OCM: variants seen among roughly 807,000 people sequenced by gnomAD.
OCM encodes oncomodulin.
A neutral mutation model predicts 14.1 loss-of-function variants in OCM; 18 were observed. The observed-to-expected ratio is 1.28, with a 90% CI of 0.88 to 1.89. The LOEUF is 1.89. OCM is among the 40% of genes most tolerant of loss of function. OCM has a pLI of 0.00. For missense variants in OCM, 140 were observed against 137.6 expected (o/e 1.02, Z -0.09); for synonymous variants, 48 against 51.0 (o/e 0.94, Z 0.25).
chr7:5,883,820 A>G lies in OCM; in HGVS notation c.195-70A>G, dbSNP rs888006873. 3.0e-5 allele frequency: 47 copies of G among 1,590,676 alleles called. No homozygotes were observed. The South Asian group carries it at 3.5e-4, about 12-fold the overall frequency. ...GGAAACAGGTGATATGCTTAGAGGA[A>G]AAACAAAAGTGTAAACACAGAGATG... is the stretch of plus-strand genomic sequence containing the variant. On this transcript the variant is annotated intron_variant, in intron 2 of 3. Transcript: ENST00000242104.
the OCM span, among the ~76,000 whole-genome samples, chr7:5,862,602 G>A: frequency 6.6e-6 from 1 of 152,082 alleles, no homozygotes; most frequent in East Asian, 1.9e-4. Context: ...CTCTTTTCAT[G>A]TTTACTTTAT....
At chr7:5,880,173 T>C (rs578171500), upstream of OCM, among the ~76,000 whole-genome samples, 6 of 152,322 alleles carry the variant, frequency 3.9e-5, no homozygotes, top group Admixed American at 6.5e-5. Context: ...GCCCAAACTG[T>C]ATCCTTTCCC....
At chr7:5,866,409 G>A in the OCM span, among the ~76,000 whole-genome samples, 1 of 93,044 alleles carries the variant, frequency 1.1e-5, no homozygotes, top group Non-Finnish European at 2.0e-5. Context: ...AAGAAGGAAG[G>A]GGGGGAGAGA....
At chr7:5,881,101 G>T (rs558883054) in intron 1 of OCM, 151 bp downstream of exon 1, 2 of 694,350 alleles carry the variant, frequency 2.9e-6, no homozygotes, top group Non-Finnish European at 2.5e-6. Flanking sequence ...GGTGGATCAC[G>T]AGGTCAGGAG....
chr7:5,859,937 C>T, the OCM span, among the ~76,000 whole-genome samples: 1 of 152,054 alleles, frequency 6.6e-6, no homozygotes, highest in Non-Finnish European at 1.5e-5. Flanking sequence ...ATCCACCTGC[C>T]TTGGCCTCTC....
At chr7:5,865,772 C>T in the OCM span, among the ~76,000 whole-genome samples, 1 of 152,138 alleles carries the variant, frequency 6.6e-6, no homozygotes, top group Admixed American at 6.6e-5. Flanking sequence ...GCAACACATA[C>T]CCTGTGCATT....
At chr7:5,869,483 C>T in the OCM span, among the ~76,000 whole-genome samples, 37 of 151,790 alleles carry the variant, frequency 2.4e-4, no homozygotes, top group Middle Eastern at 3.4e-3. Context: ...CTGTAGTCCC[C>T]GCTACTCAGG....
At chr7:5,860,809 C>T in the OCM span, among the ~76,000 whole-genome samples, 166 of 116,012 alleles carry the variant, frequency 1.4e-3, 16 homozygotes, top group East Asian at 5.5e-3. Flanking sequence ...TACACACATA[C>T]ACACATACAT....
the OCM span, among the ~76,000 whole-genome samples, chr7:5,867,484 C>A: frequency 6.6e-6 from 1 of 151,998 alleles, no homozygotes; most frequent in Non-Finnish European, 1.5e-5. Context: ...CCTCCTTTTT[C>A]CTCCTCTTAT....
In OCM at chr7:5,880,887, A is replaced by G. The variant is rs1781198011; in HGVS notation, c.-3A>G. 8.7e-6 allele frequency: 14 copies of G among 1,614,080 alleles called. No homozygotes were observed. Among genetic ancestry groups the G allele is most frequent in the Non-Finnish European group, 1.2e-5 (14 of 1,179,926 alleles). On this transcript the variant is annotated 5_prime_UTR_variant, in exon 1 of 4. Transcript: ENST00000242104. ...TCATTTATTCTGTGTGAGTAGGTAG[A>G]AAATGAGCATCACGGACGTGCTCAG...
At chr7:5,884,658 A>C (rs541551011) in intron 3 of OCM, among the ~76,000 whole-genome samples, 43 of 151,652 alleles carry the variant, frequency 2.8e-4, no homozygotes, top group African/African-American at 1.0e-3. Flanking sequence ...AGAACATATG[A>C]TGGTCCTTCT....
upstream of OCM, among the ~76,000 whole-genome samples, chr7:5,876,868 C>T (rs919936982): frequency 8.0e-5 from 12 of 149,668 alleles, no homozygotes; most frequent in South Asian, 4.2e-4. Context: ...TGCAATGGTG[C>T]GATCTCGGCT....
At chr7:5,863,739 G>A in the OCM span, among the ~76,000 whole-genome samples, 1 of 152,076 alleles carries the variant, frequency 6.6e-6, no homozygotes, top group Non-Finnish European at 1.5e-5. Context: ...TCACCATGTT[G>A]GCCATGCTGG....
rs1192419480 is a variant in OCM, at chr7:5,884,115, A to T, written c.304+116A>T. ...AAATCTCCCTTTCTTAAACTTACCGAGCCTCAGTCTTCTCATCTGTAAAAT... is the reference window on the plus strand; with the variant it reads ...AAATCTCCCTTTCTTAAACTTACCGTGCCTCAGTCTTCTCATCTGTAAAAT... On this transcript the variant is annotated intron_variant, in intron 3 of 3. Coordinates refer to ENST00000242104, the MANE Select transcript of OCM (RefSeq NM_001097622.2). The T allele has an allele frequency of 2.7e-6, 3 of 1,117,194 alleles. No individual in the cohort carries two copies. The African/African-American group carries it at 4.5e-5, about 17-fold the overall frequency. 69.2% of individuals were successfully genotyped at this position (1,117,194 alleles called of 1,614,324 possible). A position where few individuals can be genotyped will look rare whatever the true frequency, so the allele number is the denominator to read the frequency against.
At chr7:5,874,470 AATAC>A in the OCM span, among the ~76,000 whole-genome samples, 1 of 151,966 alleles carries the variant, frequency 6.6e-6, no homozygotes, top group Non-Finnish European at 1.5e-5. Context: ...TGCAACATAA[AATAC>A]ATAATATGAA....
At chr7:5,882,925 C>G (rs967007670) in intron 2 of OCM, among the ~76,000 whole-genome samples, 3 of 150,884 alleles carry the variant, frequency 2.0e-5, no homozygotes, top group African/African-American at 7.3e-5. Context: ...TCCCTGCAGC[C>G]TCCGCCTTCC....
chr7:5,860,201 A>G, the OCM span, among the ~76,000 whole-genome samples: 3 of 151,854 alleles, frequency 2.0e-5, no homozygotes, highest in Non-Finnish European at 4.4e-5. Flanking sequence ...TCTTCATTAA[A>G]TGTTGCCTCC....
the OCM span, among the ~76,000 whole-genome samples, chr7:5,871,354 CAAA>C: frequency 4.9e-5 from 6 of 123,312 alleles, no homozygotes; most frequent in African/African-American, 5.7e-5. Context: ...GTCCTTGTCT[CAAA>C]AAAAAAAAAA....
chr7:5,861,030 C>T, the OCM span, among the ~76,000 whole-genome samples: 6 of 151,830 alleles, frequency 4.0e-5, no homozygotes, highest in South Asian at 2.1e-4. Context: ...GGAGGTGGCT[C>T]GCTAATGCTG....
Sources: allele counts gnomAD v4.1 joint callset (sites outside exome capture counted in the v4.1 genomes callset), GRCh38; gene constraint gnomAD v4.1.1; transcripts MANE v1.5; gene names NCBI Gene and HGNC (gene_info 2026-07-23, HGNC 2026-07-21).